The following ATP8A2 variants were observed in gnomAD, a reference collection of about 807,000 sequenced individuals.
ATP8A2 encodes phospholipid-transporting ATPase IB.
A neutral mutation model predicts 165.6 loss-of-function variants in ATP8A2; 100 were observed. That is an observed-to-expected ratio of 0.60 (90% CI 0.51 to 0.71). The LOEUF is 0.71. Among genes scored for constraint, ATP8A2 ranks in the 30% least tolerant of loss-of-function variants. The probability of loss-of-function intolerance (pLI) is 0.00; values close to 1 mark genes in which losing one functional copy is unlikely to be tolerated. For synonymous variants in ATP8A2, 543 were observed against 548.8 expected (o/e 0.99, Z 0.15); for missense variants, 1,227 against 1,479.5 (o/e 0.83, Z 2.80).
intron 2 of ATP8A2, among the ~76,000 whole-genome samples, chr13:25,528,329 G>A (rs181807101): frequency 8.6e-4 from 131 of 152,250 alleles, no homozygotes; most frequent in African/African-American, 3.1e-3. Flanking sequence ...TAGCACCTTA[G>A]GTAGAAGTTG....
chr13:25,859,405 G>A (rs558634702), intron 30 of ATP8A2, among the ~76,000 whole-genome samples: 16 of 152,190 alleles, frequency 1.1e-4, no homozygotes, highest in African/African-American at 3.9e-4. Context: ...AAGGAAGGTT[G>A]GCAGTGTCAT....
At chr13:25,616,326 CTTTTTTTT>C (rs535891442) in intron 24 of ATP8A2, among the ~76,000 whole-genome samples, 1 of 106,754 alleles carries the variant, frequency 9.4e-6, no homozygotes, top group Non-Finnish European at 1.9e-5. Context: ...TTCTTTCTTT[CTTTTTTTT>C]TTTTTTTTTT....
chr13:25,629,175 C>T (rs762563410), intron 24 of ATP8A2, among the ~76,000 whole-genome samples: 6 of 152,112 alleles, frequency 3.9e-5, no homozygotes, highest in East Asian at 1.9e-4. Flanking sequence ...AGAAAGTGTT[C>T]GTAGACAGAA....
At chr13:25,531,290 A>C (rs28374585) in intron 4 of ATP8A2, among the ~76,000 whole-genome samples, 5 of 51,764 alleles carry the variant, frequency 9.7e-5, no homozygotes, top group Non-Finnish European at 2.2e-4. Flanking sequence ...GTTATATATG[A>C]TATATATGTT....
At chr13:25,936,198 C>G (rs149029185) in intron 33 of ATP8A2, among the ~76,000 whole-genome samples, 1 of 152,204 alleles carries the variant, frequency 6.6e-6, no homozygotes, top group Non-Finnish European at 1.5e-5. Context: ...ATGGTTTGAA[C>G]TGGAGCCTTG....
At chr13:25,653,762 T>G (rs2041867269) in intron 24 of ATP8A2, among the ~76,000 whole-genome samples, 1 of 152,100 alleles carries the variant, frequency 6.6e-6, no homozygotes, top group Admixed American at 6.6e-5. Context: ...GAGATTGTGG[T>G]GGAATAGGAG....
At chr13:25,513,017 C>T (rs1399032816) in intron 2 of ATP8A2, among the ~76,000 whole-genome samples, 21 of 150,094 alleles carry the variant, frequency 1.4e-4, no homozygotes, top group African/African-American at 4.6e-4. Context: ...GGCTGACCCC[C>T]CCCACCTCCC....
intron 24 of ATP8A2, among the ~76,000 whole-genome samples, chr13:25,684,040 A>G (rs1235723765): frequency 6.6e-6 from 1 of 152,226 alleles, no homozygotes; most frequent in Non-Finnish European, 1.5e-5. Context: ...TATAAAATGA[A>G]CAATGAGATG....
At chr13:25,943,562 A>G (rs1268723708) in intron 33 of ATP8A2, among the ~76,000 whole-genome samples, 4 of 152,222 alleles carry the variant, frequency 2.6e-5, no homozygotes, top group Non-Finnish European at 5.9e-5. Context: ...GGTTTGTGTC[A>G]GTACACTCCA....
At chr13:25,398,630 C>T (rs1210322865) in intron 1 of ATP8A2, among the ~76,000 whole-genome samples, 3 of 152,202 alleles carry the variant, frequency 2.0e-5, no homozygotes, top group Non-Finnish European at 4.4e-5. Flanking sequence ...TGTTAATAAA[C>T]ATTGTTGACT....
chr13:25,539,060 AGTGTGTGT>A (rs57382485), intron 7 of ATP8A2, among the ~76,000 whole-genome samples: 7,030 of 137,476 alleles, frequency 0.051, 276 homozygotes, highest in South Asian at 0.11. Context: ...TAGAAAATTT[AGTGTGTGT>A]GTGTGTGTGT....
At chr13:25,975,787 C>T (rs1956022497) in intron 35 of ATP8A2, among the ~76,000 whole-genome samples, 2 of 152,198 alleles carry the variant, frequency 1.3e-5, no homozygotes, top group Admixed American at 1.3e-4. Context: ...CACGACAGTC[C>T]ACCTATGCTT....
intron 1 of ATP8A2, among the ~76,000 whole-genome samples, chr13:25,401,055 G>C (rs561628339): frequency 6.6e-6 from 1 of 152,036 alleles, no homozygotes; most frequent in Non-Finnish European, 1.5e-5. Context: ...CTCTTCATTC[G>C]TAGAATAACT....
chr13:25,794,657 A>C (rs971994786), intron 27 of ATP8A2, among the ~76,000 whole-genome samples: 2 of 152,164 alleles, frequency 1.3e-5, no homozygotes, highest in Admixed American at 1.3e-4. Flanking sequence ...TACATTAAAA[A>C]GGATGAATAA....
intron 33 of ATP8A2, among the ~76,000 whole-genome samples, chr13:25,866,703 G>T (rs1952517758): frequency 6.6e-6 from 1 of 152,126 alleles, no homozygotes; most frequent in African/African-American, 2.4e-5. Context: ...AACTCTGGGT[G>T]TGGAGCCCCA....
chr13:25,645,263 T>A (rs1469977457), intron 24 of ATP8A2, among the ~76,000 whole-genome samples: 1 of 152,086 alleles, frequency 6.6e-6, no homozygotes, highest in Non-Finnish European at 1.5e-5. Flanking sequence ...ATGCATCAGA[T>A]CTTGTGAGAC....
rs568680297 is a variant in ATP8A2, at chr13:25,402,050, C to T, written c.76+29762C>T. 2.6e-5 allele frequency among the ~76,000 whole-genome samples: 4 copies of T among 152,180 alleles called. No homozygotes were observed. The East Asian group carries it at 7.8e-4, about 30-fold the overall frequency. ...CCATTAGTAAGTCAAATAAGGGCTA[C>T]TTGAATCCTAGCACTGTGATACCAC... On this transcript the variant is annotated intron_variant, in intron 1 of 36. Transcript: ENST00000381655.
intron 27 of ATP8A2, among the ~76,000 whole-genome samples, chr13:25,809,199 G>A (rs1226589268): frequency 6.6e-6 from 1 of 152,070 alleles, no homozygotes; most frequent in Non-Finnish European, 1.5e-5. Context: ...AGAGGGAGAG[G>A]CCGCAGGTTA....
chr13:25,646,945 A>T (rs561141856), intron 24 of ATP8A2, among the ~76,000 whole-genome samples: 27 of 152,244 alleles, frequency 1.8e-4, no homozygotes, highest in African/African-American at 6.5e-4. Flanking sequence ...GGAGCATATT[A>T]TACTTCTGGC....
Sources: allele counts gnomAD v4.1 joint callset (sites outside exome capture counted in the v4.1 genomes callset), GRCh38; gene constraint gnomAD v4.1.1; transcripts MANE v1.5; gene names NCBI Gene and HGNC (gene_info 2026-07-23, HGNC 2026-07-21).